The following LHFPL6 variants were observed in gnomAD, a reference collection of about 807,000 sequenced individuals.
LHFPL6 encodes LHFPL tetraspan subfamily member 6 protein.
In LHFPL6, 9 loss-of-function variants were observed where a neutral mutation model predicts 20.6. The ratio of observed to expected loss-of-function variants is 0.44; its 90% confidence interval spans 0.26 to 0.76. The LOEUF (loss-of-function observed/expected upper bound fraction) is 0.76. LHFPL6 is among the 30% of genes least tolerant of loss of function. LHFPL6 has a pLI of 0.20. For missense variants in LHFPL6, 218 were observed against 253.5 expected (o/e 0.86, Z 0.95); for synonymous variants, 105 against 98.7 (o/e 1.06, Z -0.38).
rs984504219 is a variant in LHFPL6, at chr13:39,514,152, C to T, written c.385+86680G>A. Among the ~76,000 whole-genome samples the T allele has an allele frequency of 5.3e-5, 8 of 152,138 alleles. 1 individual carries two copies. The highest frequency in any genetic ancestry group is 5.9e-5 in the Non-Finnish European group (4 of 68,012). ...CTGGCCAAACTAAAGTAACTGGGTT[C>T]ACTCCCTTCATATGTAAACTAAATA... On this transcript the variant is annotated intron_variant, in intron 2 of 3. Transcript: ENST00000379589.
chr13:39,376,044 T>C (rs1446144620), intron 3 of LHFPL6, among the ~76,000 whole-genome samples: 1 of 152,220 alleles, frequency 6.6e-6, no homozygotes, highest in Non-Finnish European at 1.5e-5. Context: ...TTTTCAACGT[T>C]TAGTTTGACA....
intron 2 of LHFPL6, among the ~76,000 whole-genome samples, chr13:39,508,273 C>A (rs972331714): frequency 6.6e-6 from 1 of 152,166 alleles, no homozygotes; most frequent in African/African-American, 2.4e-5. Flanking sequence ...GATCCACCCG[C>A]CTGGGCCTCC....
chr13:39,481,764 G>GC (rs1227860783), intron 2 of LHFPL6, among the ~76,000 whole-genome samples: 1 of 152,156 alleles, frequency 6.6e-6, no homozygotes, highest in Non-Finnish European at 1.5e-5. Flanking sequence ...GTAATGAGTT[G>GC]ACATTTTATT....
rs1184021516 is a variant in LHFPL6, at chr13:39,344,119, T to C, written c.485-65A>G. The C allele has an allele frequency of 3.0e-6, 4 of 1,335,230 alleles. No individual in the cohort carries two copies. In the African/African-American group the frequency reaches 5.7e-5, roughly 19 times the overall value. The allele number at this position is 1,335,230 out of a possible 1,614,324, so 82.7% of individuals were successfully genotyped here. ...AGGATGATTTTGCAGCAGGGTTTCTTATTGCTTCCAGTGTGTGGGTTCTGA... is the reference window on the plus strand; with the variant it reads ...AGGATGATTTTGCAGCAGGGTTTCTCATTGCTTCCAGTGTGTGGGTTCTGA... On this transcript the variant is annotated intron_variant, in intron 3 of 3. Transcript: ENST00000379589.
intron 2 of LHFPL6, among the ~76,000 whole-genome samples, chr13:39,515,364 C>G (rs765872520): frequency 2.0e-5 from 3 of 152,214 alleles, no homozygotes; most frequent in Non-Finnish European, 4.4e-5. Flanking sequence ...AGCTATAAAT[C>G]AGCATCAGGA....
intron 2 of LHFPL6, among the ~76,000 whole-genome samples, chr13:39,454,902 T>C (rs1482076004): frequency 6.6e-6 from 1 of 152,222 alleles, no homozygotes; most frequent in Non-Finnish European, 1.5e-5. Context: ...TTTAAATGCA[T>C]CTGGAAAAAT....
At chr13:39,504,274 T>G (rs1208089481) in intron 2 of LHFPL6, among the ~76,000 whole-genome samples, 1 of 152,266 alleles carries the variant, frequency 6.6e-6, no homozygotes, top group African/African-American at 2.4e-5. Flanking sequence ...TAAATCCAGA[T>G]GAATAAGATT....
At chr13:39,563,912 C>T (rs926517850) in intron 2 of LHFPL6, among the ~76,000 whole-genome samples, 6 of 152,140 alleles carry the variant, frequency 3.9e-5, no homozygotes, top group African/African-American at 7.2e-5. Flanking sequence ...GGCTAATAGA[C>T]ACTATCCCCT....
At chr13:39,382,533 G>T (rs1419459463) in intron 2 of LHFPL6, among the ~76,000 whole-genome samples, 1 of 152,056 alleles carries the variant, frequency 6.6e-6, no homozygotes, top group Non-Finnish European at 1.5e-5. Context: ...GGGATTACAG[G>T]CGCGTACCCC....
chr13:39,591,357 A>C (rs1264358137), intron 2 of LHFPL6, among the ~76,000 whole-genome samples: 1 of 152,124 alleles, frequency 6.6e-6, no homozygotes, highest in Non-Finnish European at 1.5e-5. Flanking sequence ...GTCCTCATCT[A>C]AGTATAGCAT....
chr13:39,581,114 A>C (rs530227680), intron 2 of LHFPL6, among the ~76,000 whole-genome samples: 1 of 152,330 alleles, frequency 6.6e-6, no homozygotes, highest in African/African-American at 2.4e-5. Flanking sequence ...CTACAGAAAC[A>C]ATCTGCCAAA....
At chr13:39,549,225 T>A (rs934341137) in intron 2 of LHFPL6, among the ~76,000 whole-genome samples, 2 of 152,050 alleles carry the variant, frequency 1.3e-5, no homozygotes, top group Non-Finnish European at 2.9e-5. Flanking sequence ...TCAACGAAAG[T>A]GCAAAGGCAG....
chr13:39,418,770 C>T (rs142592909), intron 2 of LHFPL6, among the ~76,000 whole-genome samples: 1 of 152,166 alleles, frequency 6.6e-6, no homozygotes, highest in Non-Finnish European at 1.5e-5. Context: ...AATTAAACAG[C>T]TTTGCCTTTC....
chr13:39,436,726 T>C (rs1250889774), intron 2 of LHFPL6, among the ~76,000 whole-genome samples: 1 of 152,286 alleles, frequency 6.6e-6, no homozygotes, highest in Non-Finnish European at 1.5e-5. Flanking sequence ...ATGGTTTGTG[T>C]GGTCACACCT....
At chr13:39,368,454 C>T (rs539363821) in intron 3 of LHFPL6, among the ~76,000 whole-genome samples, 5 of 152,142 alleles carry the variant, frequency 3.3e-5, no homozygotes, top group East Asian at 1.9e-4. Flanking sequence ...TGGTGGTGCA[C>T]GCCTGTAGTC....
At chr13:39,475,464 C>T (rs3812880) in intron 2 of LHFPL6, among the ~76,000 whole-genome samples, 20,056 of 150,990 alleles carry the variant, frequency 0.13, 2,726 homozygotes, top group African/African-American at 0.34. Flanking sequence ...CATGAAGAAA[C>T]AAAAAACACC....
chr13:39,592,207 GC>G (rs1872627072), intron 2 of LHFPL6, among the ~76,000 whole-genome samples: 1 of 151,436 alleles, frequency 6.6e-6, no homozygotes, highest in Admixed American at 6.6e-5. Flanking sequence ...TAGAAAACAA[GC>G]TTTTTAGAAA....
chr13:39,444,712 G>A (rs944243011), intron 2 of LHFPL6, among the ~76,000 whole-genome samples: 3 of 152,214 alleles, frequency 2.0e-5, no homozygotes, highest in African/African-American at 4.8e-5. Flanking sequence ...CAGAATGCAA[G>A]AGTTGTGGGG....
intron 2 of LHFPL6, among the ~76,000 whole-genome samples, chr13:39,411,556 A>G (rs1030226603): frequency 1.3e-5 from 2 of 152,096 alleles, no homozygotes; most frequent in African/African-American, 2.4e-5. Context: ...CCCTTATAAT[A>G]GTGTTGTGTT....
Sources: gnomAD v4.1 joint callset for allele counts (sites outside exome capture counted in the v4.1 genomes callset) on GRCh38, gnomAD v4.1.1 for gene constraint, MANE v1.5 for transcripts, NCBI Gene and HGNC (gene_info 2026-07-23, HGNC 2026-07-21) for gene names.